Variants in CIB3 observed in about 807,000 individuals in gnomAD.
The protein encoded by CIB3 is calcium and integrin binding family member 3.
Under a neutral mutation model 23.4 loss-of-function variants are expected in CIB3, and 22 were observed. The observed-to-expected ratio is 0.94, with a 90% CI of 0.67 to 1.34. The LOEUF is 1.34. CIB3 is among the 40% of genes most tolerant of loss of function. The pLI is 0.00. For missense variants in CIB3, 258 were observed against 247.3 expected (o/e 1.04, Z -0.29); for synonymous variants, 93 against 95.8 (o/e 0.97, Z 0.17).
At chr19:16,164,134 CTATTTATT>C (rs376183483) in intron 5 of CIB3, among the ~76,000 whole-genome samples, 2 of 151,918 alleles carry the variant, frequency 1.3e-5, no homozygotes, top group Non-Finnish European at 2.9e-5. Context: ...CCATACCTGG[CTATTTATT>C]TATTTATTTA....
rs58284608 is a variant in CIB3 at position 16,167,178 on chromosome 19, G to A, written c.346+959C>T. ...GGAGGTTGCAGTGAGCTGAGATCGC[G>A]TCACTGCACTCCAGTCTGGGGGACA... On this transcript the variant is annotated intron_variant, in intron 4 of 5. Coordinates refer to ENST00000269878, the MANE Select transcript of CIB3 (RefSeq NM_054113.4). Among the ~76,000 whole-genome samples, 1,002 of 152,060 alleles carry A rather than the reference G, an allele frequency of 6.6e-3. 5 individuals carry two copies. Among genetic ancestry groups the A allele is most frequent in the African/African-American group, 0.023 (959 of 41,460 alleles).
chr19:16,168,091 C>G (rs1221101024), intron 4 of CIB3, 46 bp downstream of exon 4: 1 of 1,345,132 alleles, frequency 7.4e-7, no homozygotes, highest in Admixed American at 1.9e-5. Flanking sequence ...AGTTCCCACT[C>G]CCCACCCCAT....
intron 2 of CIB3, among the ~76,000 whole-genome samples, chr19:16,172,439 G>A (rs2145087118): frequency 6.6e-6 from 1 of 152,208 alleles, no homozygotes; most frequent in African/African-American, 2.4e-5. Flanking sequence ...ACAGGCATGA[G>A]CCACCGCGCC....
chr19:16,168,438 C>A (rs1356220565), intron 3 of CIB3, among the ~76,000 whole-genome samples, 154 bp from the exon 4 acceptor site: 4 of 152,164 alleles, frequency 2.6e-5, no homozygotes, highest in African/African-American at 9.7e-5. Flanking sequence ...GGACTTTGGA[C>A]AACTCCACCC....
intron 2 of CIB3, among the ~76,000 whole-genome samples, chr19:16,170,965 C>A (rs2091325632): frequency 6.6e-6 from 1 of 151,868 alleles, no homozygotes. Flanking sequence ...GGTGAAACCC[C>A]GTCTCCACTA....
intron 3 of CIB3, 44 bp from the exon 4 acceptor site, chr19:16,168,328 A>G (rs992340491): frequency 6.2e-7 from 1 of 1,608,448 alleles, no homozygotes; most frequent in Non-Finnish European, 8.5e-7. Context: ...CTGACCCCCA[A>G]GGTCTCTGGG....
chr19:16,169,021 C>T (rs890248082), intron 3 of CIB3, among the ~76,000 whole-genome samples: 2 of 152,198 alleles, frequency 1.3e-5, no homozygotes, highest in Non-Finnish European at 2.9e-5. Context: ...TTTAGCAGCT[C>T]CTGTTACAAG....
chr19:16,168,671 A>G (rs1445356568), intron 3 of CIB3, among the ~76,000 whole-genome samples: 2 of 152,188 alleles, frequency 1.3e-5, no homozygotes, highest in Non-Finnish European at 2.9e-5. Context: ...AGCTCACAGA[A>G]GCTAAAGCTG....
Position 16,164,738 on chromosome 19 carries a change from G to A in CIB3, c.522C>T (p.Leu174=), listed in dbSNP as rs750706137. ...ATCACCTGAGGAAGTCTGGTGCCCG[G>A]AGGATCATGTTCTGGAAATCTTCCA... ...LSLEDFQNMI[L]RAPDFLSTFH... is the part of the protein sequence containing the mutation. The change falls in exon 5 of 6, where the codon CTC becomes CTT. Residue 174 remains leucine, a synonymous_variant. Coordinates refer to ENST00000269878, the MANE Select transcript of CIB3 (RefSeq NM_054113.4). 5 of 1,613,988 alleles carry A rather than the reference G, an allele frequency of 3.1e-6. No individual in the cohort carries two copies. The South Asian group carries it at 4.4e-5, about 14-fold the overall frequency.
intron 2 of CIB3, among the ~76,000 whole-genome samples, chr19:16,172,813 G>A (rs774685592): frequency 6.6e-6 from 1 of 151,834 alleles, no homozygotes; most frequent in Non-Finnish European, 1.5e-5. Flanking sequence ...TGAGGTACAT[G>A]TGGTGGCTCG....
At chr19:16,163,627 CA>C (rs1277773472) in intron 5 of CIB3, among the ~76,000 whole-genome samples, 1 of 151,872 alleles carries the variant, frequency 6.6e-6, no homozygotes. Context: ...TTTGTCAATT[CA>C]AAAAATAAAA....
chr19:16,167,229 A>AT (rs2091309518), intron 4 of CIB3, among the ~76,000 whole-genome samples: 1 of 152,032 alleles, frequency 6.6e-6, no homozygotes, highest in African/African-American at 2.4e-5. Context: ...TCACAAAAAA[A>AT]AAACACACAC....
intron 5 of CIB3, among the ~76,000 whole-genome samples, chr19:16,161,835 G>A (rs956029080): frequency 2.6e-5 from 4 of 151,394 alleles, no homozygotes; most frequent in Admixed American, 1.3e-4. Flanking sequence ...ATGATACCAC[G>A]CCCAGTTAAT....
intron 4 of CIB3, among the ~76,000 whole-genome samples, chr19:16,165,681 G>T (rs2091303283): frequency 1.3e-5 from 2 of 152,258 alleles, no homozygotes; most frequent in Admixed American, 6.5e-5. Context: ...GACCTCAGGT[G>T]ATCCACCCAC....
At chr19:16,163,036 T>C (rs2091291530) in intron 5 of CIB3, among the ~76,000 whole-genome samples, 1 of 151,502 alleles carries the variant, frequency 6.6e-6, no homozygotes, top group Non-Finnish European at 1.5e-5. Flanking sequence ...ACTAGAGGTG[T>C]GCCCCACCAT....
chr19:16,161,370 TGA>T lies in CIB3; in HGVS notation c.*93_*94del. ...GAAAAATGTGTCCTCCCAGCAGGTG[TGA>T]CTCAGTGACTTGTGTTTATTCTCAG... On this transcript the variant is annotated 3_prime_UTR_variant, in exon 6 of 6. Transcript: ENST00000269878. 1 of 1,255,270 alleles carries T rather than the reference TGA, an allele frequency of 8.0e-7. No individual in the cohort carries two copies. The highest frequency in any genetic ancestry group is 1.2e-6 in the Non-Finnish European group (1 of 853,356). The allele number at this position is 1,255,270 out of a possible 1,614,324, so 77.8% of individuals were successfully genotyped here. A position where few individuals can be genotyped will look rare whatever the true frequency, so the allele number is the denominator to read the frequency against.
chr19:16,167,660 C>T (rs1186019778), intron 4 of CIB3, among the ~76,000 whole-genome samples: 1 of 151,942 alleles, frequency 6.6e-6, no homozygotes, highest in Non-Finnish European at 1.5e-5. Flanking sequence ...GGTGAAACCC[C>T]GTTTCTACTA....
Position 16,164,870 on chromosome 19 carries a change from C to G in CIB3, c.390G>C (p.Gln130His), listed in dbSNP as rs1290316736. The change falls in exon 5 of 6, where the codon CAG becomes CAC. Residue 130 changes from glutamine to histidine, a missense_variant. Physicochemically the swap from Gln to His is conservative, Grantham distance 24. Coordinates refer to ENST00000269878, the MANE Select transcript of CIB3 (RefSeq NM_054113.4). ...DDYICAWDLE[Q>H]TVTKLTRGGL... ...CCCCCCGCGTCAGTTTGGTCACCGT[C>G]TGCTCCAGGTCCCACGCACAAATGT... 1.9e-6 allele frequency: 3 copies of G among 1,614,186 alleles called. No individual in the cohort carries two copies. The Admixed American group carries it at 5.0e-5, about 27-fold the overall frequency.
chr19:16,161,630 A>C (rs2091285233), intron 5 of CIB3, 144 bp from the exon 6 acceptor site: 7 of 678,898 alleles, frequency 1.0e-5, no homozygotes, highest in South Asian at 3.4e-5. Context: ...AGGCCGGGAG[A>C]CCCCTACAGG....
Sources: allele counts gnomAD v4.1 joint callset (sites outside exome capture counted in the v4.1 genomes callset), GRCh38; gene constraint gnomAD v4.1.1; transcripts MANE v1.5; gene names NCBI Gene and HGNC (gene_info 2026-07-23, HGNC 2026-07-21).